Variants in NIPA2 observed in about 807,000 individuals in gnomAD.
NIPA2 encodes the protein magnesium transporter NIPA2.
In NIPA2, 11 loss-of-function variants were observed where a neutral mutation model predicts 29.7. That is an observed-to-expected ratio of 0.37 (90% CI 0.23 to 0.61). The LOEUF (loss-of-function observed/expected upper bound fraction) is 0.61. NIPA2 is among the 20% of genes least tolerant of loss of function. NIPA2 has a pLI of 0.66. For synonymous variants in NIPA2, 183 were observed against 161.9 expected (o/e 1.13, Z -0.99); for missense variants, 426 against 437.9 (o/e 0.97, Z 0.24).
chr15:22,850,135 G>A (rs116425203), intron 3 of NIPA2, among the ~76,000 whole-genome samples: 1 of 151,928 alleles, frequency 6.6e-6, no homozygotes, highest in Non-Finnish European at 1.5e-5. Context: ...CTTCATACTT[G>A]CAGTAAGCCT....
At chr15:22,855,029 G>A (rs996224332) in intron 5 of NIPA2, among the ~76,000 whole-genome samples, 8 of 152,072 alleles carry the variant, frequency 5.3e-5, no homozygotes, top group Non-Finnish European at 1.2e-4. Context: ...AAATTAAAAA[G>A]AGGTATGTAT....
rs1048796877 is a variant in NIPA2, at chr15:22,868,060, T to A, written c.*1213T>A. ...CAGCCTGTGGCTCCTGCCTGGAGGT[T>A]ACCCAGTGGTGCGCCAGCGCCAAGC... On this transcript the variant is annotated 3_prime_UTR_variant, in exon 8 of 8. Transcript: ENST00000337451. 2.6e-5 allele frequency: 4 copies of A among 152,236 alleles called. No homozygotes were observed. The highest frequency in any genetic ancestry group is 6.5e-5 in the Admixed American group (1 of 15,280). 9.4% of individuals were successfully genotyped at this position (152,236 alleles called of 1,614,324 possible). A position where few individuals can be genotyped will look rare whatever the true frequency, so the allele number is the denominator to read the frequency against.
intron 2 of NIPA2, among the ~76,000 whole-genome samples, chr15:22,841,656 C>T (rs990948419): frequency 6.6e-6 from 1 of 152,190 alleles, no homozygotes; most frequent in Admixed American, 6.5e-5. Context: ...TTACAGGCGC[C>T]CGCCACCATG....
chr15:22,845,789 T>C, intron 3 of NIPA2, among the ~76,000 whole-genome samples: 1 of 152,190 alleles, frequency 6.6e-6, no homozygotes, highest in African/African-American at 2.4e-5. Flanking sequence ...TCGAAAGCCA[T>C]ATGCACATGA....
At position 22,855,111 on chromosome 15, in the gene NIPA2, C is replaced by T. The variant is rs62008587; in HGVS notation, c.196+1843C>T. On this transcript the variant is annotated intron_variant, in intron 5 of 7. Transcript: ENST00000337451. ...TTTGGTAATAACTTTTAAAAAGGCA[C>T]GTGGAAAAAAATTATTCTGGGCCGG... Among the ~76,000 whole-genome samples the T allele has an allele frequency of 4.6e-3, 691 of 151,726 alleles. 3 individuals carry two copies. The highest frequency in any genetic ancestry group is 7.9e-3 in the Non-Finnish European group (536 of 67,874).
At chr15:22,844,723 C>A (rs1898140628) in intron 2 of NIPA2, among the ~76,000 whole-genome samples, 1 of 152,062 alleles carries the variant, frequency 6.6e-6, no homozygotes, top group South Asian at 2.1e-4. Context: ...CACTGCACTC[C>A]AGCCTGGGAA....
Position 22,866,965 on chromosome 15 carries a change from G to T in NIPA2, c.*118G>T. 9.9e-7 allele frequency: 1 copy of T among 1,011,716 alleles called. No homozygotes were observed. 62.7% of individuals were successfully genotyped at this position (1,011,716 alleles called of 1,614,324 possible). ...GTTCTTTAAAGGCAATCTTTTTAAAGATTTCACTAATTTGGACCAAGAAAT... is the reference window on the plus strand; with the variant it reads ...GTTCTTTAAAGGCAATCTTTTTAAATATTTCACTAATTTGGACCAAGAAAT... On this transcript the variant is annotated 3_prime_UTR_variant, in exon 8 of 8. Transcript: ENST00000337451.
chr15:22,856,387 C>T (rs2058180037), intron 5 of NIPA2, among the ~76,000 whole-genome samples: 1 of 149,566 alleles, frequency 6.7e-6, no homozygotes, highest in Non-Finnish European at 1.5e-5. Context: ...AAGCTTTCTC[C>T]AAGCTTTTTT....
intron 3 of NIPA2, among the ~76,000 whole-genome samples, chr15:22,845,966 G>A (rs1409096578): frequency 1.3e-5 from 2 of 152,094 alleles, no homozygotes; most frequent in Non-Finnish European, 2.9e-5. Context: ...GCCTTAGTAA[G>A]GTTAGGAATA....
At chr15:22,840,694 CT>C (rs1348621897) in intron 2 of NIPA2, among the ~76,000 whole-genome samples, 1 of 152,102 alleles carries the variant, frequency 6.6e-6, no homozygotes, top group Non-Finnish European at 1.5e-5. Context: ...TTTTTTACCC[CT>C]GGGAGGTTTC....
rs2059223291 is a variant in NIPA2, at chr15:22,867,804, T to TAA, written c.*958_*959dup. 6.6e-6 allele frequency: 1 copy of TAA among 152,150 alleles called. No individual in the cohort carries two copies. Among genetic ancestry groups the TAA allele is most frequent in the Non-Finnish European group, 1.5e-5 (1 of 68,032 alleles). The allele number at this position is 152,150 out of a possible 1,614,324, so 9.4% of individuals were successfully genotyped here. A position where few individuals can be genotyped will look rare whatever the true frequency, so the allele number is the denominator to read the frequency against. On this transcript the variant is annotated 3_prime_UTR_variant, in exon 8 of 8. Transcript: ENST00000337451. ...GTCTCTTTGTACCAAGTACTTTGCT[T>TAA]AAGAGCTCCTTTGGGCCACTACATA...
intron 5 of NIPA2, among the ~76,000 whole-genome samples, chr15:22,855,806 C>T (rs764439138): frequency 6.6e-6 from 1 of 152,070 alleles, no homozygotes; most frequent in Non-Finnish European, 1.5e-5. Flanking sequence ...GGGGGAGAAA[C>T]CCTTGAAGCA....
chr15:22,859,466 G>C (rs1230991762), intron 6 of NIPA2, among the ~76,000 whole-genome samples: 1 of 151,990 alleles, frequency 6.6e-6, no homozygotes, highest in Admixed American at 6.6e-5. Flanking sequence ...CTAATGTTTT[G>C]TATTTTTAGT....
At chr15:22,865,812 T>C (rs528313300) in intron 7 of NIPA2, among the ~76,000 whole-genome samples, 1 of 152,028 alleles carries the variant, frequency 6.6e-6, no homozygotes, top group Admixed American at 6.5e-5. Context: ...GAAAACTTGA[T>C]GAAGAACTCT....
chr15:22,844,923 T>TA (rs1898196616), intron 2 of NIPA2, among the ~76,000 whole-genome samples: 1 of 152,182 alleles, frequency 6.6e-6, no homozygotes, highest in Non-Finnish European at 1.5e-5. Context: ...TGATCATCTT[T>TA]ACAACTTCAG....
intron 7 of NIPA2, among the ~76,000 whole-genome samples, chr15:22,863,780 TA>T (rs797020480): frequency 1.0e-3 from 152 of 152,316 alleles, no homozygotes; most frequent in African/African-American, 3.6e-3. Flanking sequence ...CTTGCATTAG[TA>T]GTTGCCCCAA....
At chr15:22,862,849 T>G (rs1043105090) in intron 7 of NIPA2, among the ~76,000 whole-genome samples, 1 of 151,904 alleles carries the variant, frequency 6.6e-6, no homozygotes, top group Non-Finnish European at 1.5e-5. Flanking sequence ...ACCCTGAAGG[T>G]ATTGTTTTAA....
chr15:22,863,305 A>G (rs2058747866), intron 7 of NIPA2, among the ~76,000 whole-genome samples: 2 of 151,578 alleles, frequency 1.3e-5, no homozygotes. Flanking sequence ...GCTGGTCTCA[A>G]CCTACTGGGC....
rs574686457 is a variant in NIPA2, at chr15:22,839,113, C to T, written c.-352+192C>T. On this transcript the variant is annotated intron_variant, in intron 1 of 7. Transcript: ENST00000337451. ...GCCGTTCAGTCCCACGGAAGCCTGG[C>T]TCGTTGGCCATGTCGGGGACGCATG... 3.3e-5 allele frequency: 5 copies of T among 152,224 alleles called. No individual in the cohort carries two copies. The South Asian group carries it at 6.2e-4, about 19-fold the overall frequency. 9.4% of individuals were successfully genotyped at this position (152,224 alleles called of 1,614,324 possible). A position where few individuals can be genotyped will look rare whatever the true frequency, so the allele number is the denominator to read the frequency against.
Sources: allele counts gnomAD v4.1 joint callset (sites outside exome capture counted in the v4.1 genomes callset), GRCh38; gene constraint gnomAD v4.1.1; transcripts MANE v1.5; gene names NCBI Gene and HGNC (gene_info 2026-07-23, HGNC 2026-07-21).